The following LRRC41 variants were observed in gnomAD, a reference collection of about 807,000 sequenced individuals.
LRRC41 encodes the protein leucine-rich repeat-containing protein 41.
Under a neutral mutation model 72.1 loss-of-function variants are expected in LRRC41, and 17 were observed. That is an observed-to-expected ratio of 0.24 (90% CI 0.16 to 0.35). The LOEUF is 0.35. Ranked by LOEUF, LRRC41 falls within the 10% of genes least tolerant of loss-of-function variation. The pLI is 1.00. For missense variants in LRRC41, 759 were observed against 1,065.0 expected, an observed-to-expected ratio of 0.71 and a Z score of 4.00; for synonymous variants, 427 against 431.0, an observed-to-expected ratio of 0.99 and a Z score of 0.11.
Position 46,281,255 on chromosome 1 carries a change from A to G in LRRC41, c.1626T>C (p.Ala542=), listed in dbSNP as rs779941063. 1.2e-6 allele frequency: 2 copies of G among 1,614,098 alleles called. No individual in the cohort carries two copies. The highest frequency in any genetic ancestry group is 1.7e-6 in the Non-Finnish European group (2 of 1,180,044). The part of the protein sequence containing the change: ...SPLPILELTR[A]IVRALPLLRV... Reference sequence around the variant, plus strand: ...GTAGCAGGGGCAGTGCTCGCACGATAGCACGTGTCAGCTCCAGGATGGGCA... The same window carrying G: ...GTAGCAGGGGCAGTGCTCGCACGATGGCACGTGTCAGCTCCAGGATGGGCA... Residue 542 remains alanine, a synonymous_variant, in exon 5 of 10, where the codon GCT becomes GCC. Transcript: ENST00000617190.
Position 46,279,495 on chromosome 1 carries a change from G to A in LRRC41, c.2140C>T (p.Leu714=). The change falls in exon 8 of 10, where the codon CTG becomes TTG. Residue 714 remains leucine, a synonymous_variant. Coordinates refer to ENST00000617190, the MANE Select transcript of LRRC41 (RefSeq NM_006369.5). This position sits in a 1 kb window ranked among gnomAD's most constrained non-coding sequence, Gnocchi z 4.5. ...CTCCCCAGGGTCTGGCCCCCACCCA[G>A]GCGGTTCCCTGGCAGCCGGAGGCCC... ...LKGLRLPGNR[L]GNAGLLALAD... 2 of 1,614,218 alleles carry A rather than the reference G, an allele frequency of 1.2e-6. No individual in the cohort carries two copies. Among genetic ancestry groups the A allele is most frequent in the Non-Finnish European group, 1.7e-6 (2 of 1,180,030 alleles).
Position 46,279,748 on chromosome 1 carries a change from A to AGCCTTGCTTGGAGTCT in LRRC41, c.2021-135_2021-134insAGACTCCAAGCAAGGC. On this transcript the variant is annotated intron_variant, in intron 7 of 9. Transcript: ENST00000617190. This position sits in a 1 kb window ranked among gnomAD's most constrained non-coding sequence, Gnocchi z 4.5. Reference sequence around the variant, plus strand: ...AGAGGAAGGAATTTGTCTAGACTCCAAGCAAGGCTGGAACTAAATCAGAAT... The same window carrying AGCCTTGCTTGGAGTCT: ...AGAGGAAGGAATTTGTCTAGACTCCAGCCTTGCTTGGAGTCTAGCAAGGCTGGAACTAAATCAGAAT... 3 of 1,045,264 alleles carry AGCCTTGCTTGGAGTCT rather than the reference A, an allele frequency of 2.9e-6. No homozygotes were observed. The highest frequency in any genetic ancestry group is 4.2e-6 in the Non-Finnish European group (3 of 708,626). The allele number at this position is 1,045,264 out of a possible 1,614,324, so 64.7% of individuals were successfully genotyped here.
At chr1:46,299,881 A>G (rs950980127) in intron 1 of LRRC41, 2 of 151,970 alleles carry the variant, frequency 1.3e-5, no homozygotes, top group Non-Finnish European at 2.9e-5. Context: ...TGTCTCACAA[A>G]TAAAATAAAA....
At chr1:46,292,791 C>T (rs376207439) in intron 3 of LRRC41, among the ~76,000 whole-genome samples, 1 of 152,010 alleles carries the variant, frequency 6.6e-6, no homozygotes, top group South Asian at 2.1e-4. Context: ...TTGGCATTTT[C>T]ATTTTTTTAA....
Position 46,277,608 on chromosome 1 carries a change from G to A in LRRC41, c.*1257C>T. The A allele has an allele frequency of 3.2e-6, 2 of 621,146 alleles. No individual in the cohort carries two copies. Among genetic ancestry groups the A allele is most frequent in the East Asian group, 2.9e-5 (1 of 34,992 alleles). The allele number at this position is 621,146 out of a possible 1,614,324, so 38.5% of individuals were successfully genotyped here. On this transcript the variant is annotated 3_prime_UTR_variant, in exon 10 of 10. Transcript: ENST00000617190. ...CTTCATTAGTATAGAAAGTAGCCTG[G>A]GTGGGCAGACTATTCATGTCATGTT...
In LRRC41 at chr1:46,285,957, G is replaced by A. The variant is rs534556642; in HGVS notation, c.900C>T (p.Ala300=). The A allele has an allele frequency of 6.5e-7, 1 of 1,537,494 alleles. No individual in the cohort carries two copies. Among genetic ancestry groups the A allele is most frequent in the Non-Finnish European group, 8.7e-7 (1 of 1,142,858 alleles). Residue 300 remains alanine (A), a synonymous_variant, in exon 4 of 10, where the codon GCC becomes GCT. Coordinates refer to ENST00000617190, the MANE Select transcript of LRRC41 (RefSeq NM_006369.5). The surrounding 1 kb of genome is among the most constrained non-coding windows in gnomAD (Gnocchi z 5.3). ...RRDAAERCAA[A]LMASRRKSEA... ...CACTCTTACGCCGGCTGGCCATCAGGGCTGCAGCACATCGCTCAGCAGCAT... is the reference window on the plus strand; with the variant it reads ...CACTCTTACGCCGGCTGGCCATCAGAGCTGCAGCACATCGCTCAGCAGCAT...
chr1:46,294,274 A>C (rs1372860821), intron 3 of LRRC41, among the ~76,000 whole-genome samples: 1 of 151,396 alleles, frequency 6.6e-6, no homozygotes, highest in African/African-American at 2.4e-5. Flanking sequence ...CAACAGGATA[A>C]TTTTTCTATT....
At chr1:46,297,383 A>G (rs1016820083) in intron 3 of LRRC41, 180 bp downstream of exon 3, 7 of 527,860 alleles carry the variant, frequency 1.3e-5, no homozygotes, top group Non-Finnish European at 2.1e-5. Context: ...ACAGTGAGCA[A>G]GCAATTCAGT....
At chr1:46,291,732 G>A (rs1016444077) in intron 3 of LRRC41, among the ~76,000 whole-genome samples, 2 of 151,198 alleles carry the variant, frequency 1.3e-5, no homozygotes, top group Non-Finnish European at 2.9e-5. Context: ...GCTAATTTTT[G>A]TATTTTTAGT....
At position 46,303,224 on chromosome 1, in the gene LRRC41, C is replaced by G; in HGVS notation, c.99G>C (p.Ala33=). ...CGTTGGGGCCCGAGGCCGAGCTCTT[C>G]GCTGGCGCCGCCTCCCGGGACGTGG... is the stretch of plus-strand genomic sequence containing the variant. ...MEATSREAAP[A]KSSASGPNAP... is the part of the protein sequence containing the mutation. Residue 33 remains alanine, a synonymous_variant, in exon 1 of 10, where the codon GCG becomes GCC. Transcript: ENST00000617190. 2.3e-5 allele frequency: 36 copies of G among 1,560,934 alleles called. No homozygotes were observed. The highest frequency in any genetic ancestry group is 3.0e-5 in the Non-Finnish European group (35 of 1,156,042).
At chr1:46,301,832 C>G (rs1335450938) in intron 1 of LRRC41, 10 of 457,312 alleles carry the variant, frequency 2.2e-5, no homozygotes, top group Non-Finnish European at 2.6e-5. Context: ...CTCCTGCCCC[C>G]CTCCCCAGCA....
intron 3 of LRRC41, among the ~76,000 whole-genome samples, chr1:46,292,781 T>C (rs564282274): frequency 6.6e-4 from 100 of 152,312 alleles, no homozygotes; most frequent in African/African-American, 1.9e-3. Flanking sequence ...GGTTATGGTG[T>C]TGGCATTTTC....
chr1:46,294,309 T>C (rs1661078175), intron 3 of LRRC41, among the ~76,000 whole-genome samples: 1 of 151,778 alleles, frequency 6.6e-6, no homozygotes, highest in South Asian at 2.1e-4. Flanking sequence ...GGTTTCTCCA[T>C]GTTGCCCAGG....
At chr1:46,295,982 A>G (rs1274226795) in intron 3 of LRRC41, among the ~76,000 whole-genome samples, 2 of 152,202 alleles carry the variant, frequency 1.3e-5, no homozygotes, top group Admixed American at 6.5e-5. Flanking sequence ...ATTTGGCCTC[A>G]TTCACCATAG....
intron 3 of LRRC41, among the ~76,000 whole-genome samples, chr1:46,290,375 C>CTTCA (rs1215720982): frequency 6.6e-6 from 1 of 152,174 alleles, no homozygotes; most frequent in African/African-American, 2.4e-5. Context: ...TGCCACTGCA[C>CTTCA]TTCAGCCTGG....
At chr1:46,284,521 T>G (rs543716943) in intron 4 of LRRC41, 56 of 152,292 alleles carry the variant, frequency 3.7e-4, no homozygotes, top group African/African-American at 1.3e-3. Flanking sequence ...AAACTGGTAA[T>G]TTTTATATAC....
chr1:46,302,498 T>C lies in LRRC41; in HGVS notation c.199+626A>G, dbSNP rs984577885. 5 of 985,140 alleles carry C rather than the reference T, an allele frequency of 5.1e-6. No homozygotes were observed. Among genetic ancestry groups the C allele is most frequent in the South Asian group, 9.4e-5 (2 of 21,284 alleles). The allele number at this position is 985,140 out of a possible 1,614,324, so 61.0% of individuals were successfully genotyped here. Reference sequence around the variant, plus strand: ...GTTGTCGGTTCGCTCCCGTCAGCCCTGGGCCGTCAGACAGGCCGCGGCGCC... The same window carrying C: ...GTTGTCGGTTCGCTCCCGTCAGCCCCGGGCCGTCAGACAGGCCGCGGCGCC... On this transcript the variant is annotated intron_variant, in intron 1 of 9. Coordinates refer to ENST00000617190, the MANE Select transcript of LRRC41 (RefSeq NM_006369.5). The surrounding 1 kb of genome is among the most constrained non-coding windows in gnomAD (Gnocchi z 4.7).
In LRRC41 at chr1:46,278,197, T is replaced by C; in HGVS notation, c.*668A>G. ...AAGTGGGGGCTCCGGGATGAGGTACTCCAGGCTGCCTGGGATGCTGCCTCC... is the reference window on the plus strand; with the variant it reads ...AAGTGGGGGCTCCGGGATGAGGTACCCCAGGCTGCCTGGGATGCTGCCTCC... On this transcript the variant is annotated 3_prime_UTR_variant, in exon 10 of 10. Transcript: ENST00000617190. The C allele has an allele frequency of 1.2e-6, 2 of 1,613,948 alleles. No homozygotes were observed. The highest frequency in any genetic ancestry group is 1.7e-6 in the Non-Finnish European group (2 of 1,179,964).
chr1:46,287,577 C>T (rs1039518640), intron 3 of LRRC41, among the ~76,000 whole-genome samples: 2 of 152,200 alleles, frequency 1.3e-5, no homozygotes, highest in Non-Finnish European at 2.9e-5. Context: ...GCCTGAGAAG[C>T]TTTATTTCCC....
Sources: allele counts gnomAD v4.1 joint callset (sites outside exome capture counted in the v4.1 genomes callset), GRCh38; gene constraint gnomAD v4.1.1; non-coding constraint Gnocchi (gnomAD v3.1); transcripts MANE v1.5; gene names NCBI Gene and HGNC (gene_info 2026-07-23, HGNC 2026-07-21).